Variants in PCDH11X observed in about 807,000 individuals in gnomAD.
The protein encoded by PCDH11X is protocadherin-11 X-linked.
Under a neutral mutation model 53.3 loss-of-function variants are expected in PCDH11X, and 18 were observed. The observed-to-expected ratio is 0.34, with a 90% CI of 0.23 to 0.50. PCDH11X has a LOEUF of 0.50. PCDH11X is among the 20% of genes least tolerant of loss of function. The pLI is 0.98. For synonymous variants in PCDH11X, 279 were observed against 393.3 expected, an observed-to-expected ratio of 0.71 and a Z score of 3.44; for missense variants, 570 against 1,032.4, an observed-to-expected ratio of 0.55 and a Z score of 6.14.
At chrX:91,803,333 A>G (rs1339496875) in intron 1 of PCDH11X, among the ~76,000 whole-genome samples, 1 of 111,181 alleles carries the variant, frequency 9.0e-6, no homozygotes, top group African/African-American at 3.3e-5. Context: ...AAGGTAAATT[A>G]AAGCCATTTG....
intron 9 of PCDH11X, among the ~76,000 whole-genome samples, chrX:92,422,630 A>G (rs1234378238): frequency 9.0e-6 from 1 of 110,898 alleles, no homozygotes; most frequent in Non-Finnish European, 1.9e-5. Flanking sequence ...GTGTGCAAGT[A>G]TTTTTTTCGT....
chrX:92,323,837 G>A (rs1469495412), intron 8 of PCDH11X, among the ~76,000 whole-genome samples: 1 of 111,038 alleles, frequency 9.0e-6, no homozygotes, highest in Non-Finnish European at 1.9e-5. Context: ...ATTTCTCTCT[G>A]TTTCAACAAT....
intron 6 of PCDH11X, among the ~76,000 whole-genome samples, chrX:92,153,058 T>C (rs2065467838): frequency 9.3e-6 from 1 of 107,846 alleles, no homozygotes. Flanking sequence ...AGTGCTGAGA[T>C]TACAGGCGTG....
At chrX:92,351,689 T>TA (rs773570963) in intron 8 of PCDH11X, among the ~76,000 whole-genome samples, 1,167 of 111,739 alleles carry the variant, frequency 0.01, 23 homozygotes, top group African/African-American at 0.037. Context: ...TTAAATGAGG[T>TA]AAAATCCATT....
chrX:92,585,048 G>T (rs1924218617), intron 10 of PCDH11X, among the ~76,000 whole-genome samples: 1 of 110,201 alleles, frequency 9.1e-6, no homozygotes, highest in Non-Finnish European at 1.9e-5. Flanking sequence ...GCATCTGCTG[G>T]GTTTCTGGGT....
At chrX:92,108,290 A>C (rs1465750975) in intron 6 of PCDH11X, among the ~76,000 whole-genome samples, 1 of 112,136 alleles carries the variant, frequency 8.9e-6, no homozygotes, top group African/African-American at 3.2e-5. Flanking sequence ...TGATTCACTC[A>C]GGAGAATTTA....
chrX:92,139,307 C>T (rs1360714261), intron 6 of PCDH11X, among the ~76,000 whole-genome samples: 1 of 80,493 alleles, frequency 1.2e-5, no homozygotes, highest in African/African-American at 5.2e-5. Context: ...TGGAGTCTTG[C>T]TCTTGTCGCC....
chrX:92,381,549 G>A (rs1249688751), intron 8 of PCDH11X, among the ~76,000 whole-genome samples: 1 of 111,303 alleles, frequency 9.0e-6, no homozygotes, highest in Non-Finnish European at 1.9e-5. Flanking sequence ...ATAACTTTTT[G>A]TTGCATTTTT....
At chrX:92,123,549 G>C (rs2148182815) in intron 6 of PCDH11X, among the ~76,000 whole-genome samples, 1 of 108,081 alleles carries the variant, frequency 9.3e-6, no homozygotes, top group South Asian at 4.2e-4. Context: ...TTCATTAAAT[G>C]GTACTAATAC....
chrX:92,079,854 G>A (rs769149560), intron 6 of PCDH11X, among the ~76,000 whole-genome samples: 3 of 111,709 alleles, frequency 2.7e-5, no homozygotes, highest in Admixed American at 1.9e-4. Context: ...GTTGCTCAGC[G>A]ATTTCCCAAA....
intron 10 of PCDH11X, among the ~76,000 whole-genome samples, chrX:92,583,169 G>A (rs1198878524): frequency 3.1e-5 from 3 of 97,520 alleles, no homozygotes; most frequent in Non-Finnish European, 4.1e-5. Flanking sequence ...GTGTGATCTC[G>A]GCTCACTGCA....
At chrX:92,323,483 G>A (rs2574042) in intron 8 of PCDH11X, among the ~76,000 whole-genome samples, 4 of 110,496 alleles carry the variant, frequency 3.6e-5, no homozygotes, top group African/African-American at 6.6e-5. Flanking sequence ...TGGTGAGCCC[G>A]TGTATAGGAG....
intron 5 of PCDH11X, among the ~76,000 whole-genome samples, chrX:91,858,379 C>T (rs1251447527): frequency 9.0e-6 from 1 of 111,707 alleles, no homozygotes; most frequent in African/African-American, 3.3e-5. Context: ...ATTGTCTTCT[C>T]GATTGATATT....
At position 91,819,518 on chromosome X, in the gene PCDH11X, T is replaced by G. The variant is rs188332321; in HGVS notation, c.-45+8223T>G. Among the ~76,000 whole-genome samples the G allele has an allele frequency of 5.5e-5, 6 of 109,970 alleles. No homozygotes were observed. The Admixed American group carries it at 5.8e-4, about 11-fold the overall frequency. ...AAATAATGAATACTCCAAGTTATTA[T>G]AAATCACTCCGATTATTTCTTGAAG... On this transcript the variant is annotated intron_variant, in intron 4 of 10. Coordinates refer to ENST00000682573, the MANE Select transcript of PCDH11X (RefSeq NM_032968.5).
At chrX:92,456,687 T>A (rs768697459) in intron 9 of PCDH11X, among the ~76,000 whole-genome samples, 1 of 111,588 alleles carries the variant, frequency 9.0e-6, no homozygotes, top group African/African-American at 3.2e-5. Context: ...ACTGATAAAA[T>A]AAGTTCCTCA....
chrX:91,862,246 G>A (rs1318517088), intron 5 of PCDH11X, among the ~76,000 whole-genome samples: 2 of 109,907 alleles, frequency 1.8e-5, no homozygotes, highest in African/African-American at 6.6e-5. Context: ...TCTTTACTGA[G>A]AGGCTTTTTT....
chrX:92,409,532 A>G (rs910991751), intron 9 of PCDH11X, among the ~76,000 whole-genome samples: 2 of 112,557 alleles, frequency 1.8e-5, no homozygotes, highest in African/African-American at 6.5e-5. Flanking sequence ...TATGTGTATT[A>G]TTGGAAGCAT....
intron 1 of PCDH11X, among the ~76,000 whole-genome samples, chrX:91,793,571 G>A (rs1935632622): frequency 1.8e-5 from 2 of 111,223 alleles, no homozygotes; most frequent in Non-Finnish European, 3.8e-5. Flanking sequence ...GGAATACTAA[G>A]TTGGAAAACA....
At chrX:92,103,347 G>A (rs2064304077) in intron 6 of PCDH11X, among the ~76,000 whole-genome samples, 1 of 111,074 alleles carries the variant, frequency 9.0e-6, no homozygotes. Context: ...CAACAGTTAT[G>A]GAGGCAAGGG....
Sources: allele counts gnomAD v4.1 joint callset (sites outside exome capture counted in the v4.1 genomes callset), GRCh38; gene constraint gnomAD v4.1.1; transcripts MANE v1.5; gene names NCBI Gene and HGNC (gene_info 2026-07-23, HGNC 2026-07-21).